Variants in CPQ observed in about 807,000 individuals in gnomAD.
CPQ encodes the protein carboxypeptidase Q.
Under a neutral mutation model 45.7 loss-of-function variants are expected in CPQ, and 37 were observed. The observed-to-expected ratio is 0.81, with a 90% CI of 0.62 to 1.07. CPQ has a LOEUF of 1.07. Among genes scored for constraint, CPQ ranks in the 50% least tolerant of loss-of-function variants. The pLI, the probability that CPQ is intolerant of heterozygous loss-of-function variation, is 0.00. For synonymous variants in CPQ, 186 were observed against 205.8 expected (o/e 0.90, Z 0.82); for missense variants, 537 against 572.9 (o/e 0.94, Z 0.64).
intron 1 of CPQ, among the ~76,000 whole-genome samples, chr8:96,762,119 T>C (rs1810412814): frequency 6.7e-6 from 1 of 149,544 alleles, no homozygotes; most frequent in Non-Finnish European, 1.5e-5. Flanking sequence ...TTATTACATA[T>C]TTAGCTGGAA....
intron 6 of CPQ, among the ~76,000 whole-genome samples, chr8:97,030,263 A>G (rs1329184936): frequency 6.6e-6 from 1 of 152,162 alleles, no homozygotes; most frequent in Non-Finnish European, 1.5e-5. Context: ...CTGCTGCTGG[A>G]TGGTTTCCCC....
At chr8:96,895,260 A>C (rs1812429308) in intron 4 of CPQ, among the ~76,000 whole-genome samples, 1 of 152,188 alleles carries the variant, frequency 6.6e-6, no homozygotes, top group African/African-American at 2.4e-5. Context: ...AGTGAAAAGA[A>C]GTTTTACTTG....
intron 3 of CPQ, among the ~76,000 whole-genome samples, chr8:96,864,362 T>G (rs1467556776): frequency 6.6e-6 from 1 of 152,010 alleles, no homozygotes; most frequent in Non-Finnish European, 1.5e-5. Context: ...TCTTGGAGAC[T>G]TTATGCATGG....
chr8:96,719,291 T>TG (rs1029078101), intron 1 of CPQ, among the ~76,000 whole-genome samples: 2 of 152,150 alleles, frequency 1.3e-5, no homozygotes, highest in South Asian at 2.1e-4. Flanking sequence ...CTGGCACTTT[T>TG]GGGGGACCAA....
intron 3 of CPQ, among the ~76,000 whole-genome samples, chr8:96,861,930 A>T (rs1464432215): frequency 1.3e-5 from 2 of 152,100 alleles, no homozygotes. Flanking sequence ...GAAAGCACAA[A>T]CAACTCAGAG....
At chr8:97,027,802 G>A (rs986162409) in intron 5 of CPQ, among the ~76,000 whole-genome samples, 9 of 152,162 alleles carry the variant, frequency 5.9e-5, no homozygotes, top group Admixed American at 1.3e-4. Context: ...ACATTACAAT[G>A]AATAAAAAGC....
At chr8:96,909,681 A>G (rs1054256790) in intron 4 of CPQ, among the ~76,000 whole-genome samples, 1 of 152,138 alleles carries the variant, frequency 6.6e-6, no homozygotes, top group Admixed American at 6.6e-5. Context: ...ATAATAGCCC[A>G]ATGACATGAG....
intron 7 of CPQ, among the ~76,000 whole-genome samples, chr8:97,115,387 A>C (rs189778738): frequency 6.6e-6 from 1 of 152,266 alleles, no homozygotes; most frequent in East Asian, 1.9e-4. Context: ...AAGCAATTTT[A>C]CTCTAGTTAG....
At chr8:96,934,914 C>G (rs1336323973) in intron 4 of CPQ, among the ~76,000 whole-genome samples, 9 of 152,212 alleles carry the variant, frequency 5.9e-5, no homozygotes, top group Non-Finnish European at 1.3e-4. Context: ...TGTGTTCTTT[C>G]TTCCACTATG....
chr8:96,825,156 A>G (rs138387316), intron 2 of CPQ, among the ~76,000 whole-genome samples: 17 of 152,072 alleles, frequency 1.1e-4, no homozygotes, highest in African/African-American at 3.9e-4. Context: ...TCCTATGGCC[A>G]TGGTATTAGA....
At chr8:96,989,033 G>A (rs1175643745) in intron 5 of CPQ, among the ~76,000 whole-genome samples, 1 of 152,178 alleles carries the variant, frequency 6.6e-6, no homozygotes, top group Non-Finnish European at 1.5e-5. Context: ...TATCTGCAGT[G>A]TGAGTGATGT....
At chr8:96,769,786 C>T (rs1810516709) in intron 1 of CPQ, among the ~76,000 whole-genome samples, 1 of 151,976 alleles carries the variant, frequency 6.6e-6, no homozygotes, top group African/African-American at 2.4e-5. Context: ...CACGTGCCAC[C>T]ATGCCTGCCT....
intron 1 of CPQ, among the ~76,000 whole-genome samples, chr8:96,684,655 G>C (rs1248828525): frequency 6.6e-6 from 1 of 152,166 alleles, no homozygotes; most frequent in Non-Finnish European, 1.5e-5. Context: ...GAACATGTGG[G>C]TGCCAGTGGC....
intron 1 of CPQ, among the ~76,000 whole-genome samples, chr8:96,755,670 A>G (rs539819292): frequency 6.6e-6 from 1 of 152,054 alleles, no homozygotes; most frequent in South Asian, 2.1e-4. Flanking sequence ...AATTCAAAAT[A>G]ATTTTTATTT....
chr8:96,809,752 C>CA (rs1267653600), intron 2 of CPQ, among the ~76,000 whole-genome samples: 4 of 151,210 alleles, frequency 2.6e-5, no homozygotes, highest in Admixed American at 1.3e-4. Context: ...AATTATACTT[C>CA]AAAAAAATGG....
chr8:96,698,827 A>G (rs111723174), intron 1 of CPQ, among the ~76,000 whole-genome samples: 3,686 of 152,262 alleles, frequency 0.024, 166 homozygotes, highest in African/African-American at 0.084. Context: ...ATGACAGGCA[A>G]TAACAAATGC....
chr8:96,741,667 A>G (rs1046349941), intron 1 of CPQ, among the ~76,000 whole-genome samples: 8 of 151,986 alleles, frequency 5.3e-5, no homozygotes, highest in Admixed American at 3.3e-4. Context: ...AGATTCTGGT[A>G]TGTTGTGTCT....
chr8:96,673,109 G>C (rs1019623887), intron 1 of CPQ, among the ~76,000 whole-genome samples: 3 of 152,144 alleles, frequency 2.0e-5, no homozygotes, highest in South Asian at 4.1e-4. Context: ...GATGTTACCA[G>C]TGGAGTCTTG....
chr8:97,013,945 A>G (rs1323870983), intron 5 of CPQ, among the ~76,000 whole-genome samples: 3 of 152,216 alleles, frequency 2.0e-5, no homozygotes, highest in Non-Finnish European at 4.4e-5. Flanking sequence ...TGTGTCATTT[A>G]TATGTAAATA....
Sources: allele counts gnomAD v4.1 joint callset (sites outside exome capture counted in the v4.1 genomes callset), GRCh38; gene constraint gnomAD v4.1.1; transcripts MANE v1.5; gene names NCBI Gene and HGNC (gene_info 2026-07-23, HGNC 2026-07-21).